Variants in RNLS observed in about 807,000 individuals in gnomAD.
RNLS encodes the protein renalase, FAD dependent amine oxidase.
Under a neutral mutation model 39.8 loss-of-function variants are expected in RNLS, and 39 were observed. The ratio of observed to expected loss-of-function variants is 0.98; its 90% CI spans 0.76 to 1.28. RNLS has a LOEUF of 1.28. RNLS is among the 50% of genes most tolerant of loss of function. RNLS has a pLI of 0.00. For missense variants in RNLS, 410 were observed against 413.3 expected, an observed-to-expected ratio of 0.99 and a Z score of 0.07; for synonymous variants, 147 against 150.7, an observed-to-expected ratio of 0.98 and a Z score of 0.18.
chr10:88,287,700 G>A (rs1305967174), intron 6 of RNLS, among the ~76,000 whole-genome samples: 1 of 152,096 alleles, frequency 6.6e-6, no homozygotes, highest in Non-Finnish European at 1.5e-5. Context: ...AGGAAAGCAG[G>A]CACGTCTTAC....
chr10:88,275,940 G>C (rs1015831356), intron 6 of RNLS, among the ~76,000 whole-genome samples: 4 of 152,072 alleles, frequency 2.6e-5, no homozygotes, highest in Non-Finnish European at 5.9e-5. Context: ...TGTAGTCCCA[G>C]CTATTCGGGA....
Position 88,314,451 on chromosome 10 carries a change from G to T in RNLS, c.876+15C>A. 6.2e-7 allele frequency: 1 copy of T among 1,612,864 alleles called. No homozygotes were observed. Among genetic ancestry groups the T allele is most frequent in the Non-Finnish European group, 8.5e-7 (1 of 1,179,214 alleles). On this transcript the variant is annotated intron_variant, in intron 6 of 6. Coordinates refer to ENST00000331772, the MANE Select transcript of RNLS (RefSeq NM_001031709.3). ...AGAAAATTGTTGTGCTTAGACCACTGGATTCTTTGATTACCTGTGAATGTC... is the reference window on the plus strand; with the variant it reads ...AGAAAATTGTTGTGCTTAGACCACTTGATTCTTTGATTACCTGTGAATGTC...
At chr10:88,529,926 T>A (rs538590861) in intron 4 of RNLS, among the ~76,000 whole-genome samples, 21 of 152,226 alleles carry the variant, frequency 1.4e-4, no homozygotes, top group Non-Finnish European at 1.5e-5. Flanking sequence ...TTCTGATGAA[T>A]GTGTTTTTCC....
At chr10:88,187,198 T>TATATATATAATATATATAATATATATATA in the RNLS span, among the ~76,000 whole-genome samples, 44 of 13,814 alleles carry the variant, frequency 3.2e-3, 3 homozygotes, top group African/African-American at 5.6e-3. Flanking sequence ...ATATATATAA[T>TATATATATAATATATATAATATATATATA]ATATATATAA....
the RNLS span, among the ~76,000 whole-genome samples, chr10:88,198,308 A>C: frequency 6.6e-6 from 1 of 152,226 alleles, no homozygotes; most frequent in Non-Finnish European, 1.5e-5. Flanking sequence ...AGAGGCAAGC[A>C]TGTGGCCTGT....
Position 88,314,540 on chromosome 10 carries a change from G to C in RNLS, c.802C>G (p.Gln268Glu). The change falls in exon 6 of 7, where the codon CAG becomes GAG. Residue 268 changes from glutamine (Q) to glutamate (E), a missense_variant. Coordinates refer to ENST00000331772, the MANE Select transcript of RNLS (RefSeq NM_001031709.3). The part of the protein sequence containing the change: ...SIEDVQELVF[Q>E]QLENILPGLP... ...CCCGGCAAAATGTTTTCCAGCTGCT[G>C]GAAGACTAACTCTTGCACATCCTCA... 2 of 1,613,962 alleles carry C rather than the reference G, an allele frequency of 1.2e-6. No individual in the cohort carries two copies. The highest frequency in any genetic ancestry group is 1.7e-5 in the Admixed American group (1 of 60,012).
At chr10:88,176,676 A>G in the RNLS span, among the ~76,000 whole-genome samples, 1 of 151,936 alleles carries the variant, frequency 6.6e-6, no homozygotes, top group Non-Finnish European at 1.5e-5. Context: ...TAATTTCTGT[A>G]TCTGCTCTAC....
intron 4 of RNLS, among the ~76,000 whole-genome samples, chr10:88,467,657 T>TA (rs903079761): frequency 3.3e-5 from 5 of 151,046 alleles, no homozygotes; most frequent in Non-Finnish European, 7.4e-5. Context: ...CTGGGGGAAT[T>TA]AAAAAAAAAT....
At chr10:88,271,003 T>C (rs560412964), downstream of RNLS, among the ~76,000 whole-genome samples, 60 of 152,296 alleles carry the variant, frequency 3.9e-4, no homozygotes, top group African/African-American at 1.3e-3. Flanking sequence ...GGTGGCCTGT[T>C]TGATATTCTG....
At chr10:88,325,288 C>T (rs1336757004) in intron 5 of RNLS, among the ~76,000 whole-genome samples, 2 of 152,102 alleles carry the variant, frequency 1.3e-5, no homozygotes, top group Non-Finnish European at 2.9e-5. Flanking sequence ...TCTCCACATC[C>T]TCACCAATAC....
At chr10:88,399,129 A>G (rs1589727813) in intron 4 of RNLS, among the ~76,000 whole-genome samples, 1 of 152,136 alleles carries the variant, frequency 6.6e-6, no homozygotes, top group East Asian at 1.9e-4. Flanking sequence ...CAAAGAGACA[A>G]TAACAAGTAC....
chr10:88,195,832 C>T, the RNLS span, among the ~76,000 whole-genome samples: 2 of 152,212 alleles, frequency 1.3e-5, no homozygotes, highest in Admixed American at 6.5e-5. Context: ...ATTAGAACTG[C>T]TGGACCAACT....
intron 4 of RNLS, among the ~76,000 whole-genome samples, chr10:88,486,423 G>T (rs1354799556): frequency 6.6e-6 from 1 of 151,838 alleles, no homozygotes; most frequent in African/African-American, 2.4e-5. Context: ...TATCAACAGA[G>T]TAAACAGCCT....
At chr10:88,473,155 TAAAA>T (rs930318638) in intron 4 of RNLS, among the ~76,000 whole-genome samples, 1 of 152,036 alleles carries the variant, frequency 6.6e-6, no homozygotes, top group Non-Finnish European at 1.5e-5. Flanking sequence ...TAAACACAGG[TAAAA>T]ATAGAAAAGG....
the RNLS span, among the ~76,000 whole-genome samples, chr10:88,198,897 G>A: frequency 2.0e-5 from 3 of 152,196 alleles, no homozygotes; most frequent in African/African-American, 7.2e-5. Context: ...ACAGCTGGTT[G>A]TATGATATTA....
rs1169248822 is a variant in RNLS at position 88,341,128 on chromosome 10, G to A, written c.700+21424C>T. The stretch of plus-strand genomic sequence containing the variant: ...GCGGATCACCTGAGGTCGGGAGTTC[G>A]AGACCAGCCTGACCAACGTGGAGAA... On this transcript the variant is annotated intron_variant, in intron 5 of 6. Coordinates refer to ENST00000331772, the MANE Select transcript of RNLS (RefSeq NM_001031709.3). 1.1e-4 allele frequency among the ~76,000 whole-genome samples: 17 copies of A among 150,326 alleles called. 1 individual carries two copies. Among genetic ancestry groups the A allele is most frequent in the African/African-American group, 2.9e-4 (12 of 40,964 alleles).
At chr10:88,219,118 C>T in the RNLS span, among the ~76,000 whole-genome samples, 74 of 152,304 alleles carry the variant, frequency 4.9e-4, 1 homozygote, top group Middle Eastern at 0.01. Flanking sequence ...ATTTCTTCCT[C>T]TTTTGTATCT....
the RNLS span, among the ~76,000 whole-genome samples, chr10:88,251,785 T>C: frequency 6.6e-6 from 1 of 152,242 alleles, no homozygotes; most frequent in Non-Finnish European, 1.5e-5. Context: ...TTCATGGAAC[T>C]GAAACCTCTG....
intron 6 of RNLS, among the ~76,000 whole-genome samples, chr10:88,292,447 G>T (rs1386516993): frequency 6.6e-6 from 1 of 151,420 alleles, no homozygotes; most frequent in Non-Finnish European, 1.5e-5. Flanking sequence ...TTCACATTTA[G>T]CAAGGCTTTA....
Sources: gnomAD v4.1 joint callset for allele counts (sites outside exome capture counted in the v4.1 genomes callset) on GRCh38, gnomAD v4.1.1 for gene constraint, MANE v1.5 for transcripts, NCBI Gene and HGNC (gene_info 2026-07-23, HGNC 2026-07-21) for gene names.